VGLL1: variants seen among roughly 807,000 people sequenced by gnomAD.
The protein encoded by VGLL1 is transcription cofactor vestigial-like protein 1.
VGLL1 carries 4 observed loss-of-function variants against 12.0 expected under a neutral mutation model. That is an observed-to-expected ratio of 0.33 (90% CI 0.16 to 0.76). The LOEUF (loss-of-function observed/expected upper bound fraction) is 0.76, where lower values mean the gene tolerates loss of function less well. Among genes scored for constraint, VGLL1 ranks in the 30% least tolerant of loss-of-function variants. VGLL1 has a pLI of 0.60. For synonymous variants in VGLL1, 87 were observed against 81.2 expected (o/e 1.07, Z -0.39); for missense variants, 204 against 208.7 (o/e 0.98, Z 0.14).
Position 136,556,542 on chromosome X carries a change from A to G in VGLL1, c.*3A>G, listed in dbSNP as rs1292696715. 1 of 1,203,875 alleles carries G rather than the reference A, an allele frequency of 8.3e-7. No homozygotes were observed. The highest frequency in any genetic ancestry group is 1.1e-6 in the Non-Finnish European group (1 of 888,624). ...ATCGATACCTGCAGCATCTTTAGTC[A>G]AGTTGGAGGAGAAAGACAACACTTG... On this transcript the variant is annotated 3_prime_UTR_variant, in exon 5 of 5. Transcript: ENST00000370634.
intron 1 of VGLL1, among the ~76,000 whole-genome samples, chrX:136,532,653 CT>C (rs752930688): frequency 6.3e-4 from 33 of 52,260 alleles, no homozygotes; most frequent in South Asian, 1.7e-3. Context: ...TTCTTTCTTT[CT>C]TTCTTTCTTT....
At chrX:136,546,794 G>C (rs1353493447) in intron 2 of VGLL1, among the ~76,000 whole-genome samples, 1 of 112,469 alleles carries the variant, frequency 8.9e-6, no homozygotes, top group Non-Finnish European at 1.9e-5. Context: ...CACCAAATTA[G>C]CTTAATCACT....
intron 3 of VGLL1, chrX:136,550,525 G>A: frequency 3.1e-6 from 1 of 326,796 alleles, no homozygotes. Context: ...GTATTAATTG[G>A]TGACTGGAAG....
intron 2 of VGLL1, 37 bp downstream of exon 2, chrX:136,536,271 A>C (rs1385668615): frequency 8.6e-7 from 1 of 1,158,537 alleles, no homozygotes; most frequent in Non-Finnish European, 1.2e-6. Flanking sequence ...GGGATTCCCT[A>C]TCAAGGCTGC....
intron 3 of VGLL1, chrX:136,550,549 G>A (rs949643331): frequency 2.8e-6 from 1 of 354,266 alleles, no homozygotes; most frequent in African/African-American, 2.7e-5. Flanking sequence ...AGGATCTGTT[G>A]AGGAAGTCAG....
intron 4 of VGLL1, among the ~76,000 whole-genome samples, chrX:136,553,035 C>G (rs1043311486): frequency 2.7e-5 from 3 of 111,546 alleles, no homozygotes; most frequent in Non-Finnish European, 5.7e-5. Flanking sequence ...GTGGCTATGC[C>G]AACAGGCCCA....
At chrX:136,543,113 G>C (rs1320254445) in intron 2 of VGLL1, among the ~76,000 whole-genome samples, 1 of 111,578 alleles carries the variant, frequency 9.0e-6, no homozygotes, top group Non-Finnish European at 1.9e-5. Context: ...TCAGCATTTC[G>C]AATACTAGCT....
chrX:136,550,496 A>G, intron 3 of VGLL1: 2 of 282,591 alleles, frequency 7.1e-6, no homozygotes, highest in South Asian at 1.9e-4. Flanking sequence ...TTCATGCTCT[A>G]CTCATGTTGA....
rs201039843 is a variant in VGLL1 at position 136,550,841 on chromosome X, T to A, written c.688+20T>A. 112 of 1,190,205 alleles carry A rather than the reference T, an allele frequency of 9.4e-5. No individual in the cohort carries two copies. The highest frequency in any genetic ancestry group is 1.1e-4 in the Non-Finnish European group (99 of 877,975). On this transcript the variant is annotated intron_variant, in intron 4 of 4. Transcript: ENST00000370634. Reference sequence around the variant, plus strand: ...ATGAAAGTAGGTATCTGGGCCAGCCTTTGATGGTGTGTGTCTGTATCCTGA... The same window carrying A: ...ATGAAAGTAGGTATCTGGGCCAGCCATTGATGGTGTGTGTCTGTATCCTGA...
chrX:136,547,943 A>T (rs1199603197), intron 2 of VGLL1, among the ~76,000 whole-genome samples: 1 of 112,035 alleles, frequency 8.9e-6, no homozygotes, highest in Non-Finnish European at 1.9e-5. Context: ...ACTGTACAGC[A>T]CTTTAAAAAG....
At position 136,536,243 on chromosome X, in the gene VGLL1, G is replaced by A; in HGVS notation, c.214+9G>A. ...TGTGATGCTGAAAAACGGTGAGCATGTGGGGAGGGAGGGAGCTGGGATTCC... is the reference window on the plus strand; with the variant it reads ...TGTGATGCTGAAAAACGGTGAGCATATGGGGAGGGAGGGAGCTGGGATTCC... On this transcript the variant is annotated intron_variant, in intron 2 of 4. Coordinates refer to ENST00000370634, the MANE Select transcript of VGLL1 (RefSeq NM_016267.4). 8.3e-7 allele frequency: 1 copy of A among 1,205,237 alleles called. No homozygotes were observed. Among genetic ancestry groups the A allele is most frequent in the Non-Finnish European group, 1.1e-6 (1 of 890,692 alleles).
intron 3 of VGLL1, among the ~76,000 whole-genome samples, chrX:136,549,677 C>T (rs778287436): frequency 3.6e-5 from 4 of 110,359 alleles, no homozygotes; most frequent in African/African-American, 1.3e-4. Context: ...CACTCATTCA[C>T]CCAGCAAATA....
At chrX:136,533,545 C>T (rs781505784) in intron 1 of VGLL1, among the ~76,000 whole-genome samples, 12 of 111,601 alleles carry the variant, frequency 1.1e-4, no homozygotes, top group African/African-American at 3.6e-4. Flanking sequence ...TGTGTCAAGC[C>T]TGAACCTTGA....
chrX:136,542,430 A>G (rs923343288), intron 2 of VGLL1, among the ~76,000 whole-genome samples: 2 of 112,094 alleles, frequency 1.8e-5, no homozygotes, highest in Admixed American at 9.4e-5. Context: ...AAGTTCAAAG[A>G]CAGGCAAATC....
chrX:136,546,809 T>G (rs2075870839), intron 2 of VGLL1, among the ~76,000 whole-genome samples: 1 of 112,696 alleles, frequency 8.9e-6, no homozygotes, highest in African/African-American at 3.2e-5. Context: ...ATCACTCTCT[T>G]TGTGCACTGA....
intron 2 of VGLL1, among the ~76,000 whole-genome samples, chrX:136,542,330 C>T (rs956262094): frequency 8.9e-6 from 1 of 112,116 alleles, no homozygotes; most frequent in Non-Finnish European, 1.9e-5. Flanking sequence ...TCTATCTGCA[C>T]AAACATATAT....
intron 2 of VGLL1, among the ~76,000 whole-genome samples, chrX:136,541,011 C>T (rs2075854876): frequency 8.9e-6 from 1 of 112,289 alleles, no homozygotes; most frequent in Admixed American, 9.4e-5. Flanking sequence ...TCAAGTGGCA[C>T]ATAGTAAGTG....
At chrX:136,539,549 T>C (rs772538978) in intron 2 of VGLL1, among the ~76,000 whole-genome samples, 68 of 111,627 alleles carry the variant, frequency 6.1e-4, no homozygotes, top group African/African-American at 2.0e-3. Context: ...CATAACATTA[T>C]GCTTTCTTGG....
At chrX:136,536,260 T>G in intron 2 of VGLL1, 26 bp downstream of exon 2, 1 of 1,176,356 alleles carries the variant, frequency 8.5e-7, no homozygotes, top group Non-Finnish European at 1.2e-6. Context: ...GGGAGGGAGC[T>G]GGGATTCCCT....
Sources: gnomAD v4.1 joint callset for allele counts (sites outside exome capture counted in the v4.1 genomes callset) on GRCh38, gnomAD v4.1.1 for gene constraint, MANE v1.5 for transcripts, NCBI Gene and HGNC (gene_info 2026-07-23, HGNC 2026-07-21) for gene names.